The following MYO9A variants were observed in gnomAD, a reference collection of about 807,000 sequenced individuals.
MYO9A encodes unconventional myosin-IXa.
A neutral mutation model predicts 293.3 loss-of-function variants in MYO9A; 103 were observed. The ratio of observed to expected loss-of-function variants is 0.35; its 90% CI spans 0.30 to 0.41. The LOEUF (loss-of-function observed/expected upper bound fraction) is 0.41. Ranked by LOEUF, MYO9A falls within the 10% of genes least tolerant of loss-of-function variation. The probability of loss-of-function intolerance (pLI) is 1.00; values close to 1 mark genes in which losing one functional copy is unlikely to be tolerated. For synonymous variants in MYO9A, 1,001 were observed against 1,035.7 expected, an observed-to-expected ratio of 0.97 and a Z score of 0.64; for missense variants, 2,685 against 3,033.0, an observed-to-expected ratio of 0.89 and a Z score of 2.69.
At position 71,893,687 on chromosome 15, in the gene MYO9A, G is replaced by T; in HGVS notation, c.5134C>A (p.Gln1712Lys). 3.1e-6 allele frequency: 5 copies of T among 1,612,768 alleles called. No individual in the cohort carries two copies. The highest frequency in any genetic ancestry group is 1.3e-5 in the African/African-American group (1 of 74,980). ...WKPVKLAGPG[Q>K]RETSQRFSSV... ...AAAAACTCAAAACTTACCTCTCTTT[G>T]GCCTGGCCCAGCTAACTTCACAGGT... The change falls in exon 26 of 42, where the codon CAA (glutamine) becomes AAA (lysine). Residue 1712 changes from glutamine to lysine, a missense_variant. Gln to Lys is a moderately conservative substitution (Grantham distance 53). Coordinates refer to ENST00000356056, the MANE Select transcript of MYO9A (RefSeq NM_006901.4).
chr15:71,957,900 C>T (rs1350942513), intron 14 of MYO9A, among the ~76,000 whole-genome samples: 2 of 152,088 alleles, frequency 1.3e-5, no homozygotes, highest in Non-Finnish European at 2.9e-5. Flanking sequence ...TTTGGCTATA[C>T]TTTTATTAAT....
chr15:72,073,994 T>C (rs1385833018), intron 1 of MYO9A, among the ~76,000 whole-genome samples: 2 of 152,202 alleles, frequency 1.3e-5, no homozygotes, highest in Admixed American at 6.5e-5. Context: ...ACAGGTCATA[T>C]GGTCTCTGTC....
chr15:72,075,163 A>C (rs2079311943), intron 1 of MYO9A, among the ~76,000 whole-genome samples: 1 of 151,730 alleles, frequency 6.6e-6, no homozygotes, highest in Non-Finnish European at 1.5e-5. Context: ...ACAGGGTTTC[A>C]CCATGTTGGT....
intron 1 of MYO9A, among the ~76,000 whole-genome samples, chr15:72,085,132 C>T (rs757819293): frequency 1.2e-4 from 18 of 152,100 alleles, no homozygotes; most frequent in Non-Finnish European, 1.9e-4. Flanking sequence ...TGGTGGCTCA[C>T]GCCTGTAGTC....
intron 12 of MYO9A, 25 bp downstream of exon 12, chr15:71,978,146 C>G (rs1300078789): frequency 6.2e-7 from 1 of 1,607,356 alleles, no homozygotes; most frequent in Non-Finnish European, 8.5e-7. Context: ...CAGCCAATAA[C>G]AAAATTGAAA....
chr15:71,862,746 GAAATAACATA>G, intron 32 of MYO9A, 135 bp from the exon 33 acceptor site: 1 of 563,556 alleles, frequency 1.8e-6, no homozygotes, highest in Non-Finnish European at 3.1e-6. Context: ...GATCTTTTGA[GAAATAACATA>G]AAATAAAATA....
intron 17 of MYO9A, among the ~76,000 whole-genome samples, chr15:71,934,685 C>G (rs2058579394): frequency 6.6e-6 from 1 of 150,750 alleles, no homozygotes; most frequent in South Asian, 2.1e-4. Flanking sequence ...ATTGCAGCCT[C>G]AACTTCCTTG....
At chr15:72,059,785 T>C (rs2078826748) in intron 1 of MYO9A, among the ~76,000 whole-genome samples, 1 of 152,210 alleles carries the variant, frequency 6.6e-6, no homozygotes, top group African/African-American at 2.4e-5. Context: ...AGTTCAGTCT[T>C]TTCAGAATGA....
At chr15:71,951,597 G>A (rs2059052140) in intron 15 of MYO9A, 180 bp downstream of exon 15, 2 of 583,318 alleles carry the variant, frequency 3.4e-6, no homozygotes, top group South Asian at 3.4e-5. Flanking sequence ...AGTTAAAAAA[G>A]TATATCAGTA....
chr15:72,116,176 G>C (rs1401233020), intron 1 of MYO9A, among the ~76,000 whole-genome samples: 1 of 152,218 alleles, frequency 6.6e-6, no homozygotes, highest in African/African-American at 2.4e-5. Context: ...TGGCTGGAGA[G>C]TGAAGGCGGA....
intron 13 of MYO9A, among the ~76,000 whole-genome samples, chr15:71,967,446 T>A (rs1162584427): frequency 6.6e-6 from 1 of 152,182 alleles, no homozygotes; most frequent in Non-Finnish European, 1.5e-5. Context: ...TCCACTATTC[T>A]CCATATCATC....
Position 71,823,017 on chromosome 15 carries a change from A to AGTT in MYO9A, c.*3560_*3562dup, listed in dbSNP as rs1456569813. Reference sequence around the variant, plus strand: ...ATGGTATTGCAGGACAGTGCTGGGGAGTTGTCACAAGAGTATGGGTGGACA... The same window carrying AGTT: ...ATGGTATTGCAGGACAGTGCTGGGGAGTTGTTGTCACAAGAGTATGGGTGGACA... On this transcript the variant is annotated 3_prime_UTR_variant, in exon 42 of 42. Coordinates refer to ENST00000356056, the MANE Select transcript of MYO9A (RefSeq NM_006901.4). The AGTT allele has an allele frequency of 6.6e-6, 1 of 152,092 alleles. No homozygotes were observed. Among genetic ancestry groups the AGTT allele is most frequent in the Non-Finnish European group, 1.5e-5 (1 of 68,026 alleles). 9.4% of individuals were successfully genotyped at this position (152,092 alleles called of 1,614,324 possible).
chr15:72,057,071 T>C (rs1367280884), intron 1 of MYO9A, among the ~76,000 whole-genome samples: 1 of 148,846 alleles, frequency 6.7e-6, no homozygotes, highest in Admixed American at 6.7e-5. Context: ...TGCACCACCG[T>C]ACTCCAGCCT....
At chr15:71,986,313 A>T (rs2076405945) in intron 11 of MYO9A, among the ~76,000 whole-genome samples, 2 of 152,164 alleles carry the variant, frequency 1.3e-5, no homozygotes, top group Non-Finnish European at 2.9e-5. Flanking sequence ...ATTCTTCAGC[A>T]GGGGGTCCTG....
intron 11 of MYO9A, among the ~76,000 whole-genome samples, chr15:71,981,599 T>A (rs2147978703): frequency 6.6e-6 from 1 of 152,196 alleles, no homozygotes; most frequent in Non-Finnish European, 1.5e-5. Flanking sequence ...TAATACCCTC[T>A]ATCACTGGGA....
chr15:72,061,437 C>T (rs1481824896), intron 1 of MYO9A, among the ~76,000 whole-genome samples: 1 of 152,102 alleles, frequency 6.6e-6, no homozygotes, highest in Non-Finnish European at 1.5e-5. Context: ...CCAGACCCAC[C>T]CTGGGCCAGA....
intron 2 of MYO9A, chr15:72,041,563 T>C (rs1052172448): frequency 1.5e-5 from 5 of 337,888 alleles, no homozygotes; most frequent in African/African-American, 1.1e-4. Flanking sequence ...TTGAACATCA[T>C]GAAGTCACTT....
chr15:72,001,309 C>T (rs1473839074), intron 8 of MYO9A, among the ~76,000 whole-genome samples: 18 of 152,104 alleles, frequency 1.2e-4, no homozygotes, highest in Non-Finnish European at 2.6e-4. Context: ...ACTCCCAGCA[C>T]ATTAGGAGGC....
chr15:71,981,354 C>T (rs1436205950), intron 11 of MYO9A, among the ~76,000 whole-genome samples: 1 of 152,202 alleles, frequency 6.6e-6, no homozygotes, highest in Non-Finnish European at 1.5e-5. Context: ...GTCAGACTGA[C>T]ACTCTTTCTT....
Sources: allele counts gnomAD v4.1 joint callset (sites outside exome capture counted in the v4.1 genomes callset), GRCh38; gene constraint gnomAD v4.1.1; transcripts MANE v1.5; gene names NCBI Gene and HGNC (gene_info 2026-07-23, HGNC 2026-07-21).